The following PRR14L variants were observed in gnomAD, a reference collection of about 807,000 sequenced individuals.
PRR14L encodes the protein protein PRR14L.
Under a neutral mutation model 155.0 loss-of-function variants are expected in PRR14L, and 80 were observed. The observed-to-expected ratio is 0.52, with a 90% CI of 0.43 to 0.62. The LOEUF (loss-of-function observed/expected upper bound fraction) is 0.62. PRR14L is among the 20% of genes least tolerant of loss of function. PRR14L has a pLI of 0.00. For synonymous variants in PRR14L, 883 were observed against 916.0 expected, an observed-to-expected ratio of 0.96 and a Z score of 0.65; for missense variants, 2,469 against 2,548.0, an observed-to-expected ratio of 0.97 and a Z score of 0.67.
At chr22:31,687,985 T>C (rs891359591) in intron 8 of PRR14L, among the ~76,000 whole-genome samples, 171 bp downstream of exon 8, 3 of 150,348 alleles carry the variant, frequency 2.0e-5, no homozygotes, top group Admixed American at 6.6e-5. Context: ...TGAGCCGAGA[T>C]TGCGCCATTG....
chr22:31,712,984 G>A lies in PRR14L; in HGVS notation c.4855C>T (p.Leu1619=), dbSNP rs773654903. ...TTKESALLNK[L]SILASKLAPA... ...GCCAGTTTGGAGGCAAGGATGGACA[G>A]CTTGTTTAGTAAGGCTGATTCTTTG... The change falls in exon 4 of 9, where the codon CTG becomes TTG. Residue 1619 remains leucine, a synonymous_variant. Coordinates refer to ENST00000327423, the MANE Select transcript of PRR14L (RefSeq NM_173566.3). The A allele has an allele frequency of 1.9e-6, 3 of 1,551,742 alleles. No homozygotes were observed. The highest frequency in any genetic ancestry group is 8.7e-7 in the Non-Finnish European group (1 of 1,147,036).
chr22:31,725,595 G>A lies in PRR14L; in HGVS notation c.490C>T (p.Gln164Ter). The part of the protein sequence containing the change: ...TSPSQEDLLM[Q>*]SSKELSHVDL... ...ACATGTGAAAGTTCTTTGCTGGACT[G>A]CATCAGGAGATCCTCCTACAGTAAG... Residue 164 changes from glutamine (Q) to a stop codon, truncating the protein, a stop_gained, in exon 3 of 9, where the codon CAG (glutamine) becomes TAG (stop). Transcript: ENST00000327423. LOFTEE classifies it high-confidence loss of function. The A allele has an allele frequency of 6.5e-7, 1 of 1,549,996 alleles. No individual in the cohort carries two copies. Among genetic ancestry groups the A allele is most frequent in the Non-Finnish European group, 8.7e-7 (1 of 1,145,468 alleles).
Position 31,713,500 on chromosome 22 carries a change from T to C in PRR14L, c.4339A>G (p.Ile1447Val). 1.9e-6 allele frequency: 3 copies of C among 1,552,132 alleles called. No individual in the cohort carries two copies. The highest frequency in any genetic ancestry group is 2.6e-6 in the Non-Finnish European group (3 of 1,147,090). ...DKDESTMINE[I>V]TLAKLAKDSI... ...TCCTTGGCCAGCTTTGCTAGGGTGA[T>C]TTCATTGATCATGGTGGACTCATCT... The change falls in exon 4 of 9, where the codon ATC becomes GTC. Residue 1447 changes from isoleucine (I) to valine (V), a missense_variant. Physicochemically the swap from Ile to Val is conservative, Grantham distance 29 (BLOSUM62 3). Around this residue, in one of 2 missense-constraint regions of PRR14L, gnomAD observed 2,363 missense variants for 2,371.6 expected, o/e 1.00. Coordinates refer to ENST00000327423, the MANE Select transcript of PRR14L (RefSeq NM_173566.3).
intron 7 of PRR14L, among the ~76,000 whole-genome samples, chr22:31,697,967 G>A (rs2074543556): frequency 6.6e-6 from 1 of 151,998 alleles, no homozygotes; most frequent in African/African-American, 2.4e-5. Flanking sequence ...AATTTCCTTT[G>A]GTTAAGGCAT....
In PRR14L at chr22:31,702,380, G is replaced by C. The variant is rs190964385; in HGVS notation, c.6001-618C>G. Among the ~76,000 whole-genome samples the C allele has an allele frequency of 9.7e-4, 147 of 151,922 alleles. No individual in the cohort carries two copies. In the East Asian group the frequency reaches 0.011, roughly 11 times the overall value. ...TGGAATTACAGGCATGTGCCACCAC[G>C]CCCGGCTTATTTTGTATTTTAGTAG... On this transcript the variant is annotated intron_variant, in intron 6 of 8. Transcript: ENST00000327423.
At chr22:31,696,521 C>T (rs2074535762) in intron 7 of PRR14L, among the ~76,000 whole-genome samples, 1 of 152,160 alleles carries the variant, frequency 6.6e-6, no homozygotes, top group Admixed American at 6.6e-5. Context: ...GATCCTCCCA[C>T]CTTGGCCTCC....
At chr22:31,711,364 G>A (rs1036716996) in intron 4 of PRR14L, among the ~76,000 whole-genome samples, 9 of 151,988 alleles carry the variant, frequency 5.9e-5, no homozygotes, top group South Asian at 4.2e-4. Flanking sequence ...CCAGCTACTC[G>A]GGAGGCTAAG....
At chr22:31,701,329 G>A (rs1293601169) in intron 7 of PRR14L, among the ~76,000 whole-genome samples, 2 of 152,072 alleles carry the variant, frequency 1.3e-5, no homozygotes, top group Non-Finnish European at 2.9e-5. Context: ...GGACTTTTAG[G>A]TCCTTTTCCA....
intron 5 of PRR14L, chr22:31,704,403 G>A (rs2074578842): frequency 6.0e-6 from 2 of 332,132 alleles, no homozygotes; most frequent in Admixed American, 4.7e-5. Flanking sequence ...GGGGACTTCT[G>A]GTACAATAAG....
At chr22:31,735,984 C>T (rs1433316116) in intron 2 of PRR14L, among the ~76,000 whole-genome samples, 49 of 150,112 alleles carry the variant, frequency 3.3e-4, no homozygotes, top group African/African-American at 4.9e-4. Flanking sequence ...ACCCGGAAGG[C>T]GGAGCTTGCA....
At chr22:31,695,788 T>C (rs2074532566) in intron 7 of PRR14L, among the ~76,000 whole-genome samples, 1 of 152,088 alleles carries the variant, frequency 6.6e-6, no homozygotes, top group South Asian at 2.1e-4. Flanking sequence ...AAGTCTCAAC[T>C]CCAACCTTGA....
At chr22:31,701,529 T>C (rs2074563195) in intron 7 of PRR14L, 127 bp downstream of exon 7, 1 of 577,950 alleles carries the variant, frequency 1.7e-6, no homozygotes. Flanking sequence ...ACTAATTAAT[T>C]CTTTAGGATA....
intron 2 of PRR14L, among the ~76,000 whole-genome samples, chr22:31,733,387 C>CTCCGCCTTCCCCCT (rs131249): frequency 6.8e-6 from 1 of 146,826 alleles, no homozygotes. Flanking sequence ...TCACTGCAAC[C>CTCCGCCTTCCCCCT]TCCGCCTTTG....
chr22:31,711,715 C>T (rs758407182), intron 4 of PRR14L, among the ~76,000 whole-genome samples: 17 of 127,748 alleles, frequency 1.3e-4, no homozygotes, highest in East Asian at 2.6e-4. Flanking sequence ...ACCCGGGAGG[C>T]GGAGGTTGCG....
At chr22:31,736,942 G>A (rs972140711) in intron 2 of PRR14L, among the ~76,000 whole-genome samples, 4 of 149,492 alleles carry the variant, frequency 2.7e-5, no homozygotes, top group Non-Finnish European at 4.4e-5. Context: ...GGAGGCTGAG[G>A]CAGGCGAATT....
intron 3 of PRR14L, among the ~76,000 whole-genome samples, chr22:31,718,088 C>T (rs955888627): frequency 1.3e-5 from 2 of 151,032 alleles, no homozygotes; most frequent in East Asian, 3.9e-4. Flanking sequence ...CCACCATGCC[C>T]GCCTAATTTT....
intron 4 of PRR14L, among the ~76,000 whole-genome samples, chr22:31,706,040 A>T (rs767384816): frequency 5.4e-5 from 8 of 147,286 alleles, no homozygotes; most frequent in Non-Finnish European, 1.2e-4. Flanking sequence ...TATATAGAAG[A>T]AAATTAATGG....
intron 4 of PRR14L, among the ~76,000 whole-genome samples, chr22:31,708,030 T>C (rs775503317): frequency 4.6e-5 from 7 of 151,864 alleles, no homozygotes; most frequent in Non-Finnish European, 1.0e-4. Context: ...ATGCCTGCAA[T>C]CCCAGCTACT....
chr22:31,693,890 G>A (rs1409368846), intron 7 of PRR14L, among the ~76,000 whole-genome samples: 1 of 152,130 alleles, frequency 6.6e-6, no homozygotes, highest in Non-Finnish European at 1.5e-5. Context: ...TAGAAATTCT[G>A]TACAGTTCTA....
Sources: allele counts gnomAD v4.1 joint callset (sites outside exome capture counted in the v4.1 genomes callset), GRCh38; gene constraint gnomAD v4.1.1; regional missense constraint gnomAD v4.1.1; transcripts MANE v1.5; gene names NCBI Gene and HGNC (gene_info 2026-07-23, HGNC 2026-07-21).